Variants in DMPK observed in about 807,000 individuals in gnomAD.
DMPK encodes the protein DM1 protein kinase.
DMPK carries 32 observed loss-of-function variants against 70.3 expected under a neutral mutation model. The observed-to-expected ratio is 0.46, with a 90% CI of 0.34 to 0.61. The LOEUF is 0.61. Ranked by LOEUF, DMPK falls within the 20% of genes least tolerant of loss-of-function variation. DMPK has a pLI of 0.01. For missense variants in DMPK, 899 were observed against 886.0 expected (o/e 1.01, Z -0.19); for synonymous variants, 469 against 390.9 (o/e 1.20, Z -2.36).
At chr19:45,776,562 C>G (rs1969784148) in intron 8 of DMPK, 1 of 153,826 alleles carries the variant, frequency 6.5e-6, no homozygotes, top group Admixed American at 6.4e-5. Context: ...CTCCTGGGCT[C>G]AAGCCCACGT....
At chr19:45,772,271 C>A (rs1969504168) in intron 10 of DMPK, 1 of 377,278 alleles carries the variant, frequency 2.7e-6, no homozygotes, top group Admixed American at 4.4e-5. Flanking sequence ...CCTCTCCAGC[C>A]TTCTCAGGAA....
At position 45,782,387 on chromosome 19, in the gene DMPK, C is replaced by T. The variant is rs1050572628; in HGVS notation, c.-35G>A. ...GCAGCACCATGGCCCCTCCCCGGGC[C>T]GGGGGCTCGGGGTCCTCCTGTCACA... On this transcript the variant is annotated 5_prime_UTR_variant, in exon 1 of 15. Transcript: ENST00000291270. 5.3e-6 allele frequency: 8 copies of T among 1,511,626 alleles called. No homozygotes were observed. Among genetic ancestry groups the T allele is most frequent in the Middle Eastern group, 2.4e-4 (1 of 4,240 alleles). The allele number at this position is 1,511,626 out of a possible 1,614,324, so 93.6% of individuals were successfully genotyped here.
rs372132101 is a variant in DMPK, at chr19:45,777,697, C to T, written c.852G>A (p.Ala284=). The T allele has an allele frequency of 2.5e-5, 41 of 1,613,900 alleles. No individual in the cohort carries two copies. Among genetic ancestry groups the T allele is most frequent in the African/African-American group, 2.1e-4 (16 of 74,932 alleles). Residue 284 remains alanine (A), a synonymous_variant, in exon 7 of 15, where the codon GCG becomes GCA. Transcript: ENST00000291270. This position sits in a 1 kb window ranked among gnomAD's most constrained non-coding sequence, Gnocchi z 6.7. The part of the protein sequence containing the change: ...GQTPFYADST[A]ETYGKIVHYK... ...AGTGGACGATCTTGCCATAGGTCTC[C>T]GCCGTGGAATCCGCGTAGAAGGGCG...
chr19:45,777,557 C>G lies in DMPK; in HGVS notation c.916G>C (p.Val306Leu). Residue 306 changes from valine to leucine, a missense_variant, in exon 8 of 15, where the codon GTC becomes CTC. Val to Leu is a conservative substitution (Grantham distance 32). Around this residue, in one of 3 missense-constraint regions of DMPK, gnomAD observed 555 missense variants for 483.8 expected, o/e 1.15. Transcript: ENST00000291270. The surrounding 1 kb of genome is among the most constrained non-coding windows in gnomAD (Gnocchi z 6.7). ...HLSLPLVDEG[V>L]PEEARDFIQR... The stretch of plus-strand genomic sequence containing the variant: ...ATGAAGTCTCGAGCCTCCTCAGGGA[C>G]CCCTTCGTCCACCAGCGGCAGAGAG... The G allele has an allele frequency of 6.2e-7, 1 of 1,613,620 alleles. No homozygotes were observed.
chr19:45,772,793 T>C, intron 9 of DMPK, 41 bp from the exon 10 acceptor site: 1 of 1,238,390 alleles, frequency 8.1e-7, no homozygotes, highest in African/African-American at 1.6e-5. Flanking sequence ...GACAGAATGC[T>C]GATTCTCTGG....
chr19:45,782,420 G>T lies in DMPK; in HGVS notation c.-68C>A, dbSNP rs897927186. 2 of 1,454,192 alleles carry T rather than the reference G, an allele frequency of 1.4e-6. No individual in the cohort carries two copies. Among genetic ancestry groups the T allele is most frequent in the African/African-American group, 2.9e-5 (2 of 69,652 alleles). 90.1% of individuals were successfully genotyped at this position (1,454,192 alleles called of 1,614,324 possible). A position where few individuals can be genotyped will look rare whatever the true frequency, so the allele number is the denominator to read the frequency against. On this transcript the variant is annotated 5_prime_UTR_variant, in exon 1 of 15. An upstream open reading frame in the 5' UTR gains an earlier in-frame stop. Transcript: ENST00000291270. ...CGGGGTCCTCCTGTCACAGGGCCTG[G>T]CAGCCCCTGTCCAGGCCCTGGAGCC...
intron 2 of DMPK, 112 bp downstream of exon 2, chr19:45,779,666 G>GCCCAGCCCTAGGTTCT: frequency 1.5e-5 from 24 of 1,549,916 alleles, no homozygotes; most frequent in Non-Finnish European, 1.7e-5. Flanking sequence ...CCCGCCTCCA[G>GCCCAGCCCTAGGTTCT]CCCAGCCCTA....
In DMPK at chr19:45,769,859, A is replaced by T. The variant is rs1014971478; in HGVS notation, c.*629T>A. On this transcript the variant is annotated 3_prime_UTR_variant, in exon 15 of 15. Transcript: ENST00000291270. The stretch of plus-strand genomic sequence containing the variant: ...GTTGTTGGGGGTCCTGTAGCCTGTC[A>T]GCGAGTCGGAGGACGAGGTCAATAA... 4.0e-6 allele frequency: 1 copy of T among 248,692 alleles called. No homozygotes were observed. Among genetic ancestry groups the T allele is most frequent in the African/African-American group, 2.3e-5 (1 of 42,744 alleles). 15.4% of individuals were successfully genotyped at this position (248,692 alleles called of 1,614,324 possible). A position where few individuals can be genotyped will look rare whatever the true frequency, so the allele number is the denominator to read the frequency against.
At chr19:45,774,247 C>T (rs1261986685) in intron 9 of DMPK, among the ~76,000 whole-genome samples, 2 of 149,244 alleles carry the variant, frequency 1.3e-5, no homozygotes, top group African/African-American at 2.5e-5. Context: ...CCACCACACC[C>T]GGCCTAAATA....
In DMPK at chr19:45,782,477, C is replaced by T; in HGVS notation, c.-125G>A. ...GCATGTCTGCCTGTCCCTGGCTGTC[C>T]CCTGGGCCTCTCTGGCCACTTCTCT... On this transcript the variant is annotated 5_prime_UTR_variant, in exon 1 of 15. Transcript: ENST00000291270. 3.5e-6 allele frequency: 4 copies of T among 1,127,956 alleles called. No homozygotes were observed. Among genetic ancestry groups the T allele is most frequent in the Non-Finnish European group, 4.8e-6 (4 of 826,746 alleles). The allele number at this position is 1,127,956 out of a possible 1,614,324, so 69.9% of individuals were successfully genotyped here.
rs371575564 is a variant in DMPK, at chr19:45,782,303, G to A, written c.50C>T (p.Pro17Leu). The A allele has an allele frequency of 1.2e-5, 19 of 1,593,248 alleles. No individual in the cohort carries two copies. Among genetic ancestry groups the A allele is most frequent in the Non-Finnish European group, 1.5e-5 (17 of 1,171,112 alleles). Residue 17 changes from proline to leucine, a missense_variant, in exon 1 of 15, where the codon CCG (proline) becomes CTG (leucine). Pro to Leu is a moderately conservative substitution (Grantham distance 98, BLOSUM62 -3). Transcript: ENST00000291270. ...LRRLQQLVLD[P>L]GFLGLEPLLD... Reference sequence around the variant, plus strand: ...CAGGGGCTCCAGCCCCAGGAAGCCCGGGTCCAACACCAGCTGCTGGAGCCG... The same window carrying A: ...CAGGGGCTCCAGCCCCAGGAAGCCCAGGTCCAACACCAGCTGCTGGAGCCG...
intron 1 of DMPK, chr19:45,780,657 G>A (rs935644827): frequency 1.4e-5 from 14 of 998,936 alleles, no homozygotes; most frequent in African/African-American, 1.7e-5. Context: ...AAGAAGTGGA[G>A]GCAGGATGGA....
At chr19:45,771,991 T>G in intron 10 of DMPK, 63 bp from the exon 11 acceptor site, 1 of 1,483,538 alleles carries the variant, frequency 6.7e-7, no homozygotes, top group Non-Finnish European at 9.0e-7. Context: ...ACTTGGGCAC[T>G]GGTTCCAGGC....
intron 2 of DMPK, 108 bp downstream of exon 2, chr19:45,779,670 A>G: frequency 6.5e-7 from 1 of 1,545,816 alleles, no homozygotes; most frequent in Non-Finnish European, 8.7e-7. Flanking sequence ...CCTCCAGCCC[A>G]GCCCTAGGTT....
intron 5 of DMPK, 102 bp from the exon 6 acceptor site, chr19:45,778,322 C>T (rs1310013138): frequency 2.9e-6 from 4 of 1,375,434 alleles, no homozygotes; most frequent in South Asian, 1.3e-5. Flanking sequence ...CCCACTTCCT[C>T]GGGTTCCGCC....
At position 45,770,506 on chromosome 19, in the gene DMPK, T is replaced by C. The variant is rs1340780353; in HGVS notation, c.1872A>G (p.Gly624=). ...GQLTAVWRRP[G]AARAP is the part of the protein sequence containing the mutation. ...CTAGGGTTCAGGGAGCGCGGGCGGC[T>C]CCTGGGCGGCGCCAGACTGCGGTGA... Residue 624 remains glycine, a synonymous_variant, in exon 15 of 15, where the codon GGA becomes GGG. Transcript: ENST00000291270. The C allele has an allele frequency of 6.5e-7, 1 of 1,550,240 alleles. No individual in the cohort carries two copies. The highest frequency in any genetic ancestry group is 8.7e-7 in the Non-Finnish European group (1 of 1,146,740).
At chr19:45,779,611 C>T (rs1262948320) in intron 2 of DMPK, 89 bp from the exon 3 acceptor site, 17 of 1,568,680 alleles carry the variant, frequency 1.1e-5, no homozygotes, top group South Asian at 1.0e-4. Flanking sequence ...TGCACCCAGC[C>T]GTGGCCCCGC....
rs545133449 is a variant in DMPK, at chr19:45,777,144, T to C, written c.1146+183A>G. 2 of 819,196 alleles carry C rather than the reference T, an allele frequency of 2.4e-6. No individual in the cohort carries two copies. The highest frequency in any genetic ancestry group is 2.0e-5 in the South Asian group (1 of 50,430). The allele number at this position is 819,196 out of a possible 1,614,324, so 50.7% of individuals were successfully genotyped here. ...GCCTTACTGTCTGAAGACTGCTCTG[T>C]GTTCCCCCACTGGACTGTAAGTCTA... On this transcript the variant is annotated intron_variant, in intron 8 of 14. Transcript: ENST00000291270. This position sits in a 1 kb window ranked among gnomAD's most constrained non-coding sequence, Gnocchi z 6.7.
intron 1 of DMPK, chr19:45,780,776 G>T: frequency 4.6e-6 from 1 of 215,608 alleles, no homozygotes; most frequent in Non-Finnish European, 8.0e-6. Context: ...GGACGAACCA[G>T]CCAGGGCTGA....
Sources: gnomAD v4.1 joint callset for allele counts (sites outside exome capture counted in the v4.1 genomes callset) on GRCh38, gnomAD v4.1.1 for gene constraint, gnomAD v4.1.1 regional missense constraint, Gnocchi (gnomAD v3.1) non-coding constraint, MANE v1.5 for transcripts, NCBI Gene and HGNC (gene_info 2026-07-23, HGNC 2026-07-21) for gene names.